SPTBN1: variants seen among roughly 807,000 people sequenced by gnomAD.
SPTBN1 encodes spectrin beta, non-erythrocytic 1.
Under a neutral mutation model 266.4 loss-of-function variants are expected in SPTBN1, and 32 were observed. That is an observed-to-expected ratio of 0.12 (90% CI 0.09 to 0.16). SPTBN1 has a LOEUF of 0.16. SPTBN1 is among the 10% of genes least tolerant of loss of function. The probability of loss-of-function intolerance (pLI) is 1.00; values close to 1 mark genes in which losing one functional copy is unlikely to be tolerated. For synonymous variants in SPTBN1, 1,336 were observed against 1,162.2 expected (o/e 1.15, Z -3.04); for missense variants, 2,296 against 3,067.1 (o/e 0.75, Z 5.94).
intron 1 of SPTBN1, among the ~76,000 whole-genome samples, chr2:54,497,545 A>G (rs1669033670): frequency 6.6e-6 from 1 of 152,218 alleles, no homozygotes; most frequent in African/African-American, 2.4e-5. Flanking sequence ...ATGTTACTGA[A>G]CAGTGACTTG....
At chr2:54,662,763 T>C (rs984226468) in intron 32 of SPTBN1, 2 of 152,174 alleles carry the variant, frequency 1.3e-5, no homozygotes, top group African/African-American at 4.8e-5. Flanking sequence ...CTATTTCCCC[T>C]CCTGCAACTC....
intron 3 of SPTBN1, among the ~76,000 whole-genome samples, chr2:54,601,891 A>G (rs1235415064): frequency 6.6e-6 from 1 of 152,196 alleles, no homozygotes; most frequent in African/African-American, 2.4e-5. Flanking sequence ...CCCACCCTGG[A>G]TTTTGGCTCA....
chr2:54,461,740 C>T (rs1693379902), intron 1 of SPTBN1, among the ~76,000 whole-genome samples: 1 of 152,126 alleles, frequency 6.6e-6, no homozygotes, highest in Admixed American at 6.5e-5. Context: ...TTGTGAAGTA[C>T]CTGTTCAGTC....
At chr2:54,600,088 G>A (rs546820976) in intron 3 of SPTBN1, among the ~76,000 whole-genome samples, 1 of 152,342 alleles carries the variant, frequency 6.6e-6, no homozygotes, top group African/African-American at 2.4e-5. Flanking sequence ...GCAGTTGGCA[G>A]GGCTGCCAGA....
At chr2:54,458,036 G>A (rs1210835035) in intron 1 of SPTBN1, among the ~76,000 whole-genome samples, 1 of 152,246 alleles carries the variant, frequency 6.6e-6, no homozygotes, top group Non-Finnish European at 1.5e-5. Flanking sequence ...GGGAGTCGCA[G>A]CGTTTTTCTG....
At chr2:54,650,582 T>G (rs1680207505) in intron 26 of SPTBN1, among the ~76,000 whole-genome samples, 1 of 152,192 alleles carries the variant, frequency 6.6e-6, no homozygotes, top group Admixed American at 6.5e-5. Flanking sequence ...TTCTTCTAAG[T>G]TTCATGGCCC....
intron 1 of SPTBN1, among the ~76,000 whole-genome samples, chr2:54,485,152 C>CACTCCCTCTCCCTCTCCCTCCG (rs1668287990): frequency 6.7e-6 from 1 of 149,190 alleles, no homozygotes; most frequent in Admixed American, 6.7e-5. Flanking sequence ...TCGCCTCTCC[C>CACTCCCTCTCCCTCTCCCTCCG]TCTCCCTCTC....
At chr2:54,588,119 A>G (rs952703396) in intron 2 of SPTBN1, among the ~76,000 whole-genome samples, 4 of 152,270 alleles carry the variant, frequency 2.6e-5, no homozygotes, top group African/African-American at 7.2e-5. Flanking sequence ...TTTTTCTATA[A>G]AGGACCAGAT....
Position 54,659,269 on chromosome 2 carries a change from G to A in SPTBN1, c.6356+3G>A. ...GAAGCCGAGTCCCAGCAGCAGTGGT[G>A]AGTCCCAGCAGCTCCAGAGGCTGGA... On this transcript the variant is annotated splice_donor_region_variant and intron_variant, in intron 31 of 35. Coordinates refer to ENST00000356805, the MANE Select transcript of SPTBN1 (RefSeq NM_003128.3). 1 of 1,613,956 alleles carries A rather than the reference G, an allele frequency of 6.2e-7. No homozygotes were observed. Among genetic ancestry groups the A allele is most frequent in the East Asian group, 2.2e-5 (1 of 44,882 alleles).
At chr2:54,647,056 C>G (rs993438855) in intron 23 of SPTBN1, 75 bp from the exon 24 acceptor site, 38 of 1,604,784 alleles carry the variant, frequency 2.4e-5, no homozygotes, top group Non-Finnish European at 2.5e-5. Context: ...CCCTGCTGAG[C>G]AGCTGGTCTG....
At chr2:54,632,306 G>A (rs1382627919) in intron 16 of SPTBN1, among the ~76,000 whole-genome samples, 1 of 152,112 alleles carries the variant, frequency 6.6e-6, no homozygotes, top group African/African-American at 2.4e-5. Flanking sequence ...GGACCCTTGA[G>A]GCTGATACAC....
At position 54,664,630 on chromosome 2, in the gene SPTBN1, A is replaced by G; in HGVS notation, c.6598A>G (p.Met2200Val). The change falls in exon 33 of 36, where the codon ATG becomes GTG. Residue 2200 changes from methionine (M) to valine (V), a missense_variant. Transcript: ENST00000356805. The surrounding 1 kb of genome is among the most constrained non-coding windows in gnomAD (Gnocchi z 5.6). Reference protein sequence around the residue: ...ARTQETPSAQMEGFLNRKHEW... With the variant: ...ARTQETPSAQVEGFLNRKHEW... ...AACCCAGGAGACACCTTCGGCCCAG[A>G]TGGAAGGCTTCCTCAATCGGAAACA... 1 of 1,614,208 alleles carries G rather than the reference A, an allele frequency of 6.2e-7. No homozygotes were observed. Among genetic ancestry groups the G allele is most frequent in the Non-Finnish European group, 8.5e-7 (1 of 1,180,048 alleles).
intron 1 of SPTBN1, among the ~76,000 whole-genome samples, chr2:54,473,116 T>G (rs967725568): frequency 1.3e-4 from 20 of 152,206 alleles, no homozygotes; most frequent in African/African-American, 4.3e-4. Flanking sequence ...GAATTTTGCT[T>G]TGTCACTTTC....
chr2:54,462,313 C>T (rs1464046973), intron 1 of SPTBN1, among the ~76,000 whole-genome samples: 1 of 152,138 alleles, frequency 6.6e-6, no homozygotes, highest in Non-Finnish European at 1.5e-5. Flanking sequence ...TATTAAATGG[C>T]TTATTCTAAC....
chr2:54,470,861 T>G (rs75682178), intron 1 of SPTBN1, among the ~76,000 whole-genome samples: 5,529 of 152,278 alleles, frequency 0.036, 281 homozygotes, highest in East Asian at 0.13. Flanking sequence ...AATACTGAGA[T>G]TATCCTTTAG....
At chr2:54,459,932 T>C (rs1302681419) in intron 1 of SPTBN1, among the ~76,000 whole-genome samples, 10 of 152,234 alleles carry the variant, frequency 6.6e-5, no homozygotes, top group Non-Finnish European at 1.0e-4. Context: ...TAAATTTTTA[T>C]TGTGTGGGAA....
intron 1 of SPTBN1, among the ~76,000 whole-genome samples, chr2:54,511,179 C>T (rs1325919219): frequency 6.6e-6 from 1 of 152,106 alleles, no homozygotes; most frequent in Non-Finnish European, 1.5e-5. Context: ...ATTTTAGGCA[C>T]CATCGCTCAT....
chr2:54,496,628 G>C (rs1668986212), intron 1 of SPTBN1, among the ~76,000 whole-genome samples: 1 of 152,156 alleles, frequency 6.6e-6, no homozygotes. Context: ...CAGAATGTTA[G>C]TAACTTACCC....
In SPTBN1 at chr2:54,558,595, G is replaced by C; in HGVS notation, c.148+32029G>C. On this transcript the variant is annotated intron_variant, in intron 2 of 35. Coordinates refer to ENST00000356805, the MANE Select transcript of SPTBN1 (RefSeq NM_003128.3). This position sits in a 1 kb window ranked among gnomAD's most constrained non-coding sequence, Gnocchi z 4.6. ...AGATGCCTGTGTGGTAACTCCTCGC[G>C]GAGCTAAGGTGGACTCTCTTGCAGC... 7.3e-7 allele frequency: 1 copy of C among 1,379,202 alleles called. No individual in the cohort carries two copies. The highest frequency in any genetic ancestry group is 9.4e-7 in the Non-Finnish European group (1 of 1,063,384). 85.4% of individuals were successfully genotyped at this position (1,379,202 alleles called of 1,614,324 possible).
Sources: gnomAD v4.1 joint callset for allele counts (sites outside exome capture counted in the v4.1 genomes callset) on GRCh38, gnomAD v4.1.1 for gene constraint, Gnocchi (gnomAD v3.1) non-coding constraint, MANE v1.5 for transcripts, NCBI Gene and HGNC (gene_info 2026-07-23, HGNC 2026-07-21) for gene names.